Variants in CFAP74 observed in about 807,000 individuals in gnomAD.
CFAP74 encodes cilia- and flagella-associated protein 74.
In CFAP74, 124 loss-of-function variants were observed where a neutral mutation model predicts 188.9. That is an observed-to-expected ratio of 0.66 (90% confidence interval 0.57 to 0.76). The LOEUF is 0.76. CFAP74 is among the 30% of genes least tolerant of loss of function. The pLI, the probability that CFAP74 is intolerant of heterozygous loss-of-function variation, is 0.00. For missense variants in CFAP74, 2,198 were observed against 2,165.2 expected (o/e 1.02, Z -0.30); for synonymous variants, 956 against 916.7 (o/e 1.04, Z -0.77).
intron 25 of CFAP74, among the ~76,000 whole-genome samples, chr1:1,937,092 T>C (rs1652952990): frequency 6.6e-6 from 1 of 152,168 alleles, no homozygotes; most frequent in Admixed American, 6.5e-5. Flanking sequence ...GGCAGCAGCC[T>C]AAGGACTCCA....
intron 1 of CFAP74, among the ~76,000 whole-genome samples, chr1:1,993,913 C>G (rs369257389): frequency 6.7e-6 from 1 of 149,760 alleles, no homozygotes; most frequent in African/African-American, 2.5e-5. Context: ...ACCCGGGAGG[C>G]GGAGCTTGCA....
At chr1:1,970,417 G>T (rs1156640434) in intron 10 of CFAP74, among the ~76,000 whole-genome samples, 14 of 152,180 alleles carry the variant, frequency 9.2e-5, no homozygotes, top group Non-Finnish European at 1.5e-4. Context: ...GTCTGGGAGG[G>T]GAGAAGGGGC....
intron 14 of CFAP74, among the ~76,000 whole-genome samples, chr1:1,962,263 G>A (rs1467903204): frequency 6.6e-6 from 1 of 152,016 alleles, no homozygotes; most frequent in African/African-American, 2.4e-5. Flanking sequence ...ATCACCTGAG[G>A]TCAGGAGTTC....
chr1:1,956,490 G>T, intron 17 of CFAP74, 130 bp downstream of exon 17: 1 of 1,079,998 alleles, frequency 9.3e-7, no homozygotes, highest in Non-Finnish European at 1.4e-6. Context: ...ATTTGAGGAG[G>T]CCCCCACACT....
At chr1:1,940,235 C>CG in intron 23 of CFAP74, 81 bp downstream of exon 23, 2 of 1,146,568 alleles carry the variant, frequency 1.7e-6, no homozygotes, top group Non-Finnish European at 2.5e-6. Flanking sequence ...GGCCCTCGCC[C>CG]GGGTGCTGGG....
chr1:1,979,992 G>A (rs959989183), intron 6 of CFAP74, among the ~76,000 whole-genome samples: 3 of 151,340 alleles, frequency 2.0e-5, no homozygotes, highest in Middle Eastern at 3.2e-3. Flanking sequence ...CCACCAGGCA[G>A]GGCTCTGCTG....
intron 16 of CFAP74, among the ~76,000 whole-genome samples, chr1:1,957,441 C>G (rs1654724910): frequency 6.6e-6 from 1 of 152,198 alleles, no homozygotes; most frequent in South Asian, 2.1e-4. Context: ...AGGGAGGCCG[C>G]CTCCTTCCCG....
rs775144877 is a variant in CFAP74 at position 1,974,064 on chromosome 1, G to A, written c.635C>T (p.Ala212Val). 1 of 1,601,532 alleles carries A rather than the reference G, an allele frequency of 6.2e-7. No individual in the cohort carries two copies. Among genetic ancestry groups the A allele is most frequent in the South Asian group, 1.1e-5 (1 of 90,054 alleles). ...TCGGTTCCGCTCCACCTTCCCCAGG[G>A]CCTCCTGCTCTCTGCAGAGCTGCTC... The part of the protein sequence containing the change: ...AAEQLCREQE[A>V]LGKVERNRLL... The change falls in exon 7 of 39, where the codon GCC becomes GTC. Residue 212 changes from alanine to valine, a missense_variant. Physicochemically the swap from Ala to Val is moderately conservative, Grantham distance 64. Coordinates refer to ENST00000682832, the MANE Select transcript of CFAP74 (RefSeq NM_001304360.2).
intron 25 of CFAP74, 102 bp from the exon 26 acceptor site, chr1:1,930,438 C>A: frequency 1.7e-6 from 2 of 1,188,708 alleles, no homozygotes; most frequent in Non-Finnish European, 2.3e-6. Flanking sequence ...CCGGGGGGGG[C>A]TCACAGGGAC....
At chr1:1,964,686 A>G (rs1419998547) in intron 13 of CFAP74, among the ~76,000 whole-genome samples, 2 of 152,222 alleles carry the variant, frequency 1.3e-5, no homozygotes. Flanking sequence ...GCTACTCGGG[A>G]GGCTGAGGCA....
Position 1,922,783 on chromosome 1 carries a change from A to G in CFAP74, c.4684-60T>C. The G allele has an allele frequency of 3.2e-6, 5 of 1,565,692 alleles. No homozygotes were observed. In the South Asian group the frequency reaches 5.9e-5, roughly 19 times the overall value. On this transcript the variant is annotated intron_variant, in intron 37 of 38. Transcript: ENST00000682832. ...AGGCACCGCTCCCAGAAGCAGTGGG[A>G]CTAGGGGTGAGGGTGCCCAGCTCCA...
chr1:1,986,838 G>C lies in CFAP74; in HGVS notation c.395+99C>G, dbSNP rs984521310. ...TCACACTGGGGCTCCTCATTGGCCT[G>C]AACACAGCAGGTGCTTCACGCCTCA... On this transcript the variant is annotated intron_variant, in intron 5 of 38. Coordinates refer to ENST00000682832, the MANE Select transcript of CFAP74 (RefSeq NM_001304360.2). 6.0e-6 allele frequency: 6 copies of C among 1,003,236 alleles called. No individual in the cohort carries two copies. In the African/African-American group the frequency reaches 9.4e-5, roughly 16 times the overall value. 62.1% of individuals were successfully genotyped at this position (1,003,236 alleles called of 1,614,324 possible).
At chr1:1,997,373 G>A (rs995964519) in intron 1 of CFAP74, among the ~76,000 whole-genome samples, 1 of 150,634 alleles carries the variant, frequency 6.6e-6, no homozygotes, top group African/African-American at 2.4e-5. Context: ...AGTGAGCTGA[G>A]ATTGAGCCAC....
In CFAP74 at chr1:1,968,878, T is replaced by C; in HGVS notation, c.1047-45A>G. On this transcript the variant is annotated intron_variant, in intron 10 of 38. Transcript: ENST00000682832. The surrounding 1 kb of genome is among the most constrained non-coding windows in gnomAD (Gnocchi z 4.3). ...AGATGAGTGCAAGAGGTCCCCTGCCTCCACCTTGCCCCAGATGAGACAGTG... is the reference window on the plus strand; with the variant it reads ...AGATGAGTGCAAGAGGTCCCCTGCCCCCACCTTGCCCCAGATGAGACAGTG... 6.3e-7 allele frequency: 1 copy of C among 1,589,106 alleles called. No homozygotes were observed. The highest frequency in any genetic ancestry group is 8.6e-7 in the Non-Finnish European group (1 of 1,161,992).
chr1:1,949,147 T>C (rs1467965963), intron 18 of CFAP74, among the ~76,000 whole-genome samples: 25 of 64,614 alleles, frequency 3.9e-4, no homozygotes, highest in South Asian at 5.6e-4. Context: ...CTCCCTCCCT[T>C]CCTTCCCCTC....
chr1:1,971,363 A>G lies in CFAP74; in HGVS notation c.889-547T>C, dbSNP rs545073139. Among the ~76,000 whole-genome samples, 7 of 144,316 alleles carry G rather than the reference A, an allele frequency of 4.9e-5. No homozygotes were observed. The South Asian group carries it at 6.3e-4, about 13-fold the overall frequency. The allele number at this position is 144,316 out of a possible 152,430, so 94.7% of individuals were successfully genotyped here. On this transcript the variant is annotated intron_variant, in intron 9 of 38. Coordinates refer to ENST00000682832, the MANE Select transcript of CFAP74 (RefSeq NM_001304360.2). The stretch of plus-strand genomic sequence containing the variant: ...CACGTGCACACACATGCACACCTGC[A>G]CACACACGGTCACACATGCACACAC...
At chr1:1,969,998 G>T (rs375179575) in intron 10 of CFAP74, among the ~76,000 whole-genome samples, 14 of 152,250 alleles carry the variant, frequency 9.2e-5, no homozygotes, top group East Asian at 3.8e-4. Context: ...GCAGGGCTGG[G>T]AAAGGCGAGA....
chr1:1,945,528 T>C (rs1653690364), intron 20 of CFAP74, among the ~76,000 whole-genome samples: 1 of 152,000 alleles, frequency 6.6e-6, no homozygotes, highest in East Asian at 1.9e-4. Flanking sequence ...TGTTTAAACA[T>C]AGAAAGTTGT....
rs903970752 is a variant in CFAP74 at position 1,975,209 on chromosome 1, C to T, written c.501-1011G>A. 6.6e-6 allele frequency among the ~76,000 whole-genome samples: 1 copy of T among 152,216 alleles called. No individual in the cohort carries two copies. The highest frequency in any genetic ancestry group is 2.4e-5 in the African/African-American group (1 of 41,452). On this transcript the variant is annotated intron_variant, in intron 6 of 38. Transcript: ENST00000682832. This position sits in a 1 kb window ranked among gnomAD's most constrained non-coding sequence, Gnocchi z 4.5. The stretch of plus-strand genomic sequence containing the variant: ...AGTCCAGTCTCTCTCCCCACTGCAA[C>T]ACCCGGGGCAGGGGTCCCACCGCCT...
Sources: gnomAD v4.1 joint callset for allele counts (sites outside exome capture counted in the v4.1 genomes callset) on GRCh38, gnomAD v4.1.1 for gene constraint, Gnocchi (gnomAD v3.1) non-coding constraint, MANE v1.5 for transcripts, NCBI Gene and HGNC (gene_info 2026-07-23, HGNC 2026-07-21) for gene names.